Variants in TRAK2 observed in about 807,000 individuals in gnomAD.
The protein encoded by TRAK2 is trafficking kinesin-binding protein 2.
In TRAK2, 81 loss-of-function variants were observed where a neutral mutation model predicts 104.6. The observed-to-expected ratio is 0.77, with a 90% CI of 0.65 to 0.93. TRAK2 has a LOEUF of 0.93. TRAK2 is among the 40% of genes least tolerant of loss of function. TRAK2 has a pLI of 0.00. For synonymous variants in TRAK2, 406 were observed against 394.4 expected (o/e 1.03, Z -0.35); for missense variants, 1,002 against 1,089.0 (o/e 0.92, Z 1.12).
At chr2:201,422,776 C>T (rs1304368443) in intron 1 of TRAK2, among the ~76,000 whole-genome samples, 2 of 151,966 alleles carry the variant, frequency 1.3e-5, no homozygotes, top group African/African-American at 2.4e-5. Context: ...TGCAAGGTGT[C>T]GGTAAGTGAG....
intron 3 of TRAK2, among the ~76,000 whole-genome samples, chr2:201,405,462 A>T (rs1401610115): frequency 6.6e-6 from 1 of 152,192 alleles, no homozygotes; most frequent in Non-Finnish European, 1.5e-5. Flanking sequence ...CATCAGTATC[A>T]CCAGGAAGAC....
At chr2:201,423,037 C>CCACACACACA (rs142826543) in intron 1 of TRAK2, among the ~76,000 whole-genome samples, 1,544 of 134,202 alleles carry the variant, frequency 0.012, 23 homozygotes, top group African/African-American at 0.015. Context: ...AACACCACCA[C>CCACACACACA]CACACACACA....
chr2:201,393,806 G>A (rs1055255432), intron 9 of TRAK2, among the ~76,000 whole-genome samples: 7 of 152,112 alleles, frequency 4.6e-5, no homozygotes, highest in African/African-American at 1.7e-4. Flanking sequence ...TGAGTGCAGT[G>A]GTGTGATTAT....
At position 201,384,130 on chromosome 2, in the gene TRAK2, T is replaced by C; in HGVS notation, c.2050A>G (p.Ile684Val). 1.2e-6 allele frequency: 2 copies of C among 1,613,072 alleles called. No homozygotes were observed. The highest frequency in any genetic ancestry group is 1.1e-5 in the South Asian group (1 of 90,944). Residue 684 changes from isoleucine to valine, a missense_variant, in exon 15 of 16, where the codon ATC (isoleucine) becomes GTC (valine). Transcript: ENST00000332624. ...TCTTACCTGGGGGTAACCTGAGTGA[T>C]GTCAGAGGGATGTAATATTCTACAG... Reference protein sequence around the residue: ...TTCRILHPSDITQVTPSSGFP... With the variant: ...TTCRILHPSDVTQVTPSSGFP...
chr2:201,438,529 G>C (rs543356171), intron 1 of TRAK2, among the ~76,000 whole-genome samples: 80 of 152,248 alleles, frequency 5.3e-4, no homozygotes, highest in African/African-American at 1.9e-3. Flanking sequence ...TCCATACTAA[G>C]AGCCAGGAAT....
intron 3 of TRAK2, among the ~76,000 whole-genome samples, chr2:201,405,553 G>T (rs971473055): frequency 6.6e-6 from 1 of 152,158 alleles, no homozygotes; most frequent in African/African-American, 2.4e-5. Context: ...CCAAGAATGT[G>T]AATTTCTAAC....
intron 1 of TRAK2, among the ~76,000 whole-genome samples, chr2:201,450,736 G>A (rs1952023720): frequency 6.6e-6 from 1 of 151,432 alleles, no homozygotes; most frequent in Non-Finnish European, 1.5e-5. Context: ...TAAGCAAAAG[G>A]TGCATGAGCA....
intron 1 of TRAK2, among the ~76,000 whole-genome samples, chr2:201,422,049 CAA>C (rs71022367): frequency 4.1e-3 from 375 of 91,054 alleles, no homozygotes; most frequent in South Asian, 0.01. Flanking sequence ...GACTCTGTCT[CAA>C]AAAAAAAAAA....
intron 2 of TRAK2, among the ~76,000 whole-genome samples, chr2:201,415,118 T>C (rs575999157): frequency 9.2e-5 from 14 of 151,976 alleles, no homozygotes; most frequent in African/African-American, 3.1e-4. Context: ...TTTTTCCCAG[T>C]CATGCCTACC....
At chr2:201,425,222 A>G (rs999379715) in intron 1 of TRAK2, among the ~76,000 whole-genome samples, 1 of 152,168 alleles carries the variant, frequency 6.6e-6, no homozygotes, top group Non-Finnish European at 1.5e-5. Context: ...TAAAATAACC[A>G]CCTACCTAAA....
At chr2:201,443,529 C>T (rs935446511) in intron 1 of TRAK2, among the ~76,000 whole-genome samples, 1 of 152,096 alleles carries the variant, frequency 6.6e-6, no homozygotes, top group Non-Finnish European at 1.5e-5. Flanking sequence ...TTTTGCCAAC[C>T]AACCACTACC....
intron 1 of TRAK2, among the ~76,000 whole-genome samples, chr2:201,441,926 T>G (rs1307304860): frequency 6.6e-6 from 1 of 151,200 alleles, no homozygotes. Flanking sequence ...ACTCCTGACC[T>G]CGTGATCCAC....
chr2:201,445,136 AG>A (rs570074801), intron 1 of TRAK2, among the ~76,000 whole-genome samples: 105 of 152,350 alleles, frequency 6.9e-4, no homozygotes, highest in African/African-American at 2.4e-3. Context: ...CTCATTTTCT[AG>A]CATGAATAAA....
intron 14 of TRAK2, among the ~76,000 whole-genome samples, chr2:201,384,591 G>C (rs1951371916): frequency 1.3e-5 from 2 of 152,116 alleles, no homozygotes; most frequent in Non-Finnish European, 2.9e-5. Context: ...TACTTTCATA[G>C]TAATGGTAAG....
intron 1 of TRAK2, among the ~76,000 whole-genome samples, chr2:201,446,235 G>C (rs576181518): frequency 6.0e-5 from 9 of 151,024 alleles, no homozygotes; most frequent in African/African-American, 1.9e-4. Context: ...CCAAAAGAAA[G>C]AACTGCATTT....
Position 201,398,304 on chromosome 2 carries a change from G to T in TRAK2, c.531C>A (p.Ile177=). The change falls in exon 6 of 16, where the codon ATC becomes ATA. Residue 177 remains isoleucine, a synonymous_variant. Transcript: ENST00000332624. ...CACTTTCTTCAGAAGCAATGGAGAC[G>T]ATTCGAAGTAACTCATCTTTCTTGC... The part of the protein sequence containing the change: ...ELCKKDELLR[I]VSIASEESET... 1.2e-6 allele frequency: 2 copies of T among 1,613,634 alleles called. No individual in the cohort carries two copies. The highest frequency in any genetic ancestry group is 8.5e-7 in the Non-Finnish European group (1 of 1,179,674).
chr2:201,402,283 C>A (rs904319785), intron 3 of TRAK2, among the ~76,000 whole-genome samples: 1 of 151,998 alleles, frequency 6.6e-6, no homozygotes, highest in African/African-American at 2.4e-5. Flanking sequence ...AGGGTGCCCA[C>A]GACTGAGTAT....
At chr2:201,448,164 A>G (rs1365135781) in intron 1 of TRAK2, among the ~76,000 whole-genome samples, 1 of 152,228 alleles carries the variant, frequency 6.6e-6, no homozygotes, top group Non-Finnish European at 1.5e-5. Context: ...CTGAACTTCC[A>G]TTTTAAATAA....
At position 201,407,470 on chromosome 2, in the gene TRAK2, T is replaced by G. The variant is rs35590110; in HGVS notation, c.219A>C (p.Pro73=). 7.6e-5 allele frequency: 122 copies of G among 1,614,142 alleles called. No homozygotes were observed. In the African/African-American group the frequency reaches 1.4e-3, roughly 19 times the overall value. Residue 73 remains proline (P), a synonymous_variant, in exon 3 of 16, where the codon CCA becomes CCC. Coordinates refer to ENST00000332624, the MANE Select transcript of TRAK2 (RefSeq NM_015049.3). ...CATCAGATGCATGCTGCCGCTGGTG[T>G]GGAGACTGAGTCCAGTCTTGATTTT... The part of the protein sequence containing the change: ...LYENQDWTQS[P]HQRQHASDAL...
Sources: allele counts gnomAD v4.1 joint callset (sites outside exome capture counted in the v4.1 genomes callset), GRCh38; gene constraint gnomAD v4.1.1; transcripts MANE v1.5; gene names NCBI Gene and HGNC (gene_info 2026-07-23, HGNC 2026-07-21).